Variants in ACYP2 observed in about 807,000 individuals in gnomAD.
ACYP2 encodes the protein acylphosphatase-2.
In ACYP2, 12 loss-of-function variants were observed where a neutral mutation model predicts 11.2. That is an observed-to-expected ratio of 1.08 (90% CI 0.69 to 1.74). The LOEUF is 1.74. Ranked by LOEUF, ACYP2 falls within the 40% of genes most tolerant of loss-of-function variation. ACYP2 has a pLI of 0.00. For missense variants in ACYP2, 134 were observed against 101.9 expected, an observed-to-expected ratio of 1.31 and a Z score of -1.35; for synonymous variants, 43 against 32.2, an observed-to-expected ratio of 1.33 and a Z score of -1.13.
At chr2:54,300,170 C>G (rs1371875947) in intron 6 of ACYP2, among the ~76,000 whole-genome samples, 1 of 152,190 alleles carries the variant, frequency 6.6e-6, no homozygotes, top group African/African-American at 2.4e-5. Context: ...AATGAGTCCA[C>G]TCATCTCTTG....
At chr2:54,143,756 TTG>T (rs1558566613) in intron 6 of ACYP2, among the ~76,000 whole-genome samples, 24 of 102,974 alleles carry the variant, frequency 2.3e-4, no homozygotes, top group African/African-American at 9.1e-4. Context: ...TTTTTTTTTT[TTG>T]GGGGGGGGGT....
At chr2:54,255,962 G>A (rs1160579456) in intron 6 of ACYP2, 2 of 1,614,142 alleles carry the variant, frequency 1.2e-6, no homozygotes, top group Non-Finnish European at 1.7e-6. Context: ...CCATCTGCGG[G>A]ATCCTGGGGC....
intron 2 of ACYP2, among the ~76,000 whole-genome samples, chr2:54,015,661 AC>A (rs1673645546): frequency 6.6e-6 from 1 of 151,402 alleles, no homozygotes. Flanking sequence ...ACACACACAC[AC>A]ACACACACAC....
chr2:54,075,520 A>G (rs868449345), intron 4 of ACYP2, among the ~76,000 whole-genome samples: 2 of 143,230 alleles, frequency 1.4e-5, no homozygotes, highest in East Asian at 2.0e-4. Flanking sequence ...AAAAAGAAAG[A>G]AAAAAAAAAA....
At chr2:54,108,658 C>T (rs1016843001) in intron 4 of ACYP2, among the ~76,000 whole-genome samples, 3 of 152,068 alleles carry the variant, frequency 2.0e-5, no homozygotes, top group African/African-American at 7.2e-5. Flanking sequence ...GGCCCTTTTT[C>T]GCCTTCCCTG....
intron 4 of ACYP2, among the ~76,000 whole-genome samples, chr2:54,063,872 G>T (rs1676599429): frequency 6.6e-6 from 1 of 152,200 alleles, no homozygotes; most frequent in African/African-American, 2.4e-5. Flanking sequence ...GGCATTCTAG[G>T]CAGAGGCAAG....
At position 54,275,685 on chromosome 2, in the gene ACYP2, G is replaced by C. The variant is rs935190143; in HGVS notation, c.405-29003G>C. ...TGTGTCTAACAATTTCCTTTCTAAG[G>C]AACATCAAGCATAGAGAAATGATTA... On this transcript the variant is annotated intron_variant, in intron 6 of 6. Transcript: ENST00000607452. Among the ~76,000 whole-genome samples the C allele has an allele frequency of 7.2e-5, 11 of 152,054 alleles. 1 individual carries two copies. Among genetic ancestry groups the C allele is most frequent in the African/African-American group, 1.7e-4 (7 of 41,388 alleles).
intron 6 of ACYP2, among the ~76,000 whole-genome samples, chr2:54,218,131 A>T (rs1250919274): frequency 6.6e-6 from 1 of 152,066 alleles, no homozygotes; most frequent in African/African-American, 2.4e-5. Context: ...GCATGAAAAA[A>T]CTTGTTCTTG....
chr2:54,253,802 G>A (rs1687349740), intron 6 of ACYP2: 1 of 152,252 alleles, frequency 6.6e-6, no homozygotes, highest in African/African-American at 2.4e-5. Context: ...GCTAAAGAGG[G>A]GTGAGGGGCT....
At chr2:54,139,202 G>A (rs890160778) in intron 6 of ACYP2, among the ~76,000 whole-genome samples, 20 of 152,166 alleles carry the variant, frequency 1.3e-4, no homozygotes, top group African/African-American at 4.3e-4. Flanking sequence ...AGATGTCCAG[G>A]GCCCAAGTAA....
At chr2:54,138,914 C>T (rs1025882214) in intron 6 of ACYP2, among the ~76,000 whole-genome samples, 166 bp downstream of exon 3, 2 of 152,140 alleles carry the variant, frequency 1.3e-5, no homozygotes, top group African/African-American at 4.8e-5. Context: ...CTCAGCCTCC[C>T]AAGTAGCTGG....
intron 4 of ACYP2, among the ~76,000 whole-genome samples, chr2:54,075,712 C>T (rs773210012): frequency 1.3e-5 from 2 of 151,856 alleles, no homozygotes; most frequent in Admixed American, 6.6e-5. Context: ...ACTCAGAAGG[C>T]TGAGACAGGA....
At chr2:54,012,378 A>T (rs564471792) in intron 2 of ACYP2, among the ~76,000 whole-genome samples, 1 of 152,156 alleles carries the variant, frequency 6.6e-6, no homozygotes, top group East Asian at 1.9e-4. Flanking sequence ...TTAGCCAGGC[A>T]TGGTGGCACA....
At position 54,123,950 on chromosome 2, in the gene ACYP2, C is replaced by T. The variant is rs368754330; in HGVS notation, c.278-11503C>T. ...GGCACATTGCTGCCCCAAGTAAAAT[C>T]AGAGTTCTGTTAGAAGGGAAGAATG... is the stretch of plus-strand genomic sequence containing the variant. On this transcript the variant is annotated intron_variant, in intron 4 of 6. Transcript: ENST00000607452. Among the ~76,000 whole-genome samples the T allele has an allele frequency of 1.7e-4, 26 of 152,240 alleles. No homozygotes were observed. In the East Asian group the frequency reaches 2.3e-3, roughly 14 times the overall value.
At chr2:54,195,405 T>C (rs1572916128) in intron 6 of ACYP2, among the ~76,000 whole-genome samples, 1 of 152,306 alleles carries the variant, frequency 6.6e-6, no homozygotes, top group Admixed American at 6.5e-5. Context: ...TTTAATCCCT[T>C]AAGTAAGTGT....
At chr2:54,254,774 G>T in intron 6 of ACYP2, 1 of 760,664 alleles carries the variant, frequency 1.3e-6, no homozygotes, top group Non-Finnish European at 2.1e-6. Flanking sequence ...TCAATCTTCA[G>T]GTTGAGAGAA....
intron 2 of ACYP2, among the ~76,000 whole-genome samples, chr2:54,040,531 C>T (rs1249321111): frequency 1.3e-5 from 2 of 152,000 alleles, no homozygotes; most frequent in Non-Finnish European, 2.9e-5. Flanking sequence ...AGGGCTGAAT[C>T]TTGGGATGCT....
intron 2 of ACYP2, among the ~76,000 whole-genome samples, chr2:54,010,197 G>C: frequency 6.6e-6 from 1 of 152,060 alleles, no homozygotes; most frequent in African/African-American, 2.4e-5. Flanking sequence ...AAAAAGTCAT[G>C]AACTGGCCAG....
chr2:54,302,050 G>T (rs747174270), intron 6 of ACYP2, among the ~76,000 whole-genome samples: 3 of 152,196 alleles, frequency 2.0e-5, no homozygotes, highest in Non-Finnish European at 4.4e-5. Context: ...CATACTTTTG[G>T]CTGGGGAAGA....
Sources: gnomAD v4.1 joint callset for allele counts (sites outside exome capture counted in the v4.1 genomes callset) on GRCh38, gnomAD v4.1.1 for gene constraint, MANE v1.5 for transcripts, NCBI Gene and HGNC (gene_info 2026-07-23, HGNC 2026-07-21) for gene names.